The following ERC2 variants were observed in gnomAD, a reference collection of about 807,000 sequenced individuals.
The protein encoded by ERC2 is ERC protein 2.
Under a neutral mutation model 114.8 loss-of-function variants are expected in ERC2, and 42 were observed. That is an observed-to-expected ratio of 0.37 (90% CI 0.29 to 0.47). ERC2 has a LOEUF of 0.47. Ranked by LOEUF, ERC2 falls within the 20% of genes least tolerant of loss-of-function variation. The probability of loss-of-function intolerance (pLI) is 0.99; values close to 1 mark genes in which losing one functional copy is unlikely to be tolerated. For missense variants in ERC2, 939 were observed against 1,150.7 expected (o/e 0.82, Z 2.66); for synonymous variants, 454 against 425.5 (o/e 1.07, Z -0.82).
intron 3 of ERC2, among the ~76,000 whole-genome samples, chr3:56,232,900 G>A (rs558181728): frequency 3.9e-5 from 6 of 152,070 alleles, no homozygotes; most frequent in East Asian, 1.9e-4. Flanking sequence ...ATTATCTCCC[G>A]TTTCCGAATA....
chr3:56,341,924 A>G (rs1311962856), intron 2 of ERC2, among the ~76,000 whole-genome samples: 1 of 152,198 alleles, frequency 6.6e-6, no homozygotes, highest in African/African-American at 2.4e-5. Context: ...TATTTTCTGT[A>G]GCCCATGCTG....
At chr3:56,008,757 C>T (rs550734535) in intron 9 of ERC2, among the ~76,000 whole-genome samples, 7 of 152,116 alleles carry the variant, frequency 4.6e-5, no homozygotes, top group Non-Finnish European at 1.0e-4. Context: ...TCTGCATGGG[C>T]CTGATCCCAT....
At chr3:56,169,783 C>A (rs2082534352) in intron 4 of ERC2, among the ~76,000 whole-genome samples, 1 of 148,734 alleles carries the variant, frequency 6.7e-6, no homozygotes. Flanking sequence ...TTGACAAGAA[C>A]TACCATTACT....
At chr3:55,826,728 C>T (rs2060341067) in intron 14 of ERC2, among the ~76,000 whole-genome samples, 1 of 152,176 alleles carries the variant, frequency 6.6e-6, no homozygotes, top group Non-Finnish European at 1.5e-5. Flanking sequence ...TTTTCTCCTC[C>T]ATATTCATTC....
chr3:56,311,231 T>TTCTCTC (rs370683995), intron 2 of ERC2, among the ~76,000 whole-genome samples: 312 of 96,182 alleles, frequency 3.2e-3, no homozygotes, highest in African/African-American at 7.3e-3. Context: ...ATCCATCATC[T>TTCTCTC]TCTCTCTCTC....
At chr3:55,512,889 AAAC>A (rs754593874) in intron 17 of ERC2, among the ~76,000 whole-genome samples, 19 of 152,262 alleles carry the variant, frequency 1.2e-4, no homozygotes, top group Non-Finnish European at 2.4e-4. Flanking sequence ...AAAAAAAGAA[AAAC>A]AACAAGGAAA....
intron 14 of ERC2, among the ~76,000 whole-genome samples, chr3:55,746,147 T>C (rs1284033205): frequency 1.3e-5 from 2 of 152,178 alleles, no homozygotes; most frequent in African/African-American, 2.4e-5. Flanking sequence ...CGTCATGCCA[T>C]TGCTGTGAGA....
chr3:55,996,418 T>C (rs1156582431), intron 10 of ERC2, among the ~76,000 whole-genome samples: 2 of 152,158 alleles, frequency 1.3e-5, no homozygotes, highest in Non-Finnish European at 2.9e-5. Context: ...TTCATTAATA[T>C]AGAGATTTAA....
chr3:56,078,340 TG>T (rs1217694199), intron 7 of ERC2, among the ~76,000 whole-genome samples: 1 of 152,224 alleles, frequency 6.6e-6, no homozygotes, highest in Non-Finnish European at 1.5e-5. Flanking sequence ...CTCTATAATT[TG>T]GTTTGAATCT....
At position 55,804,849 on chromosome 3, in the gene ERC2, G is replaced by A. The variant is rs549927952; in HGVS notation, c.2565-69931C>T. Among the ~76,000 whole-genome samples, 4 of 152,120 alleles carry A rather than the reference G, an allele frequency of 2.6e-5. No individual in the cohort carries two copies. In the East Asian group the frequency reaches 5.9e-4, roughly 22 times the overall value. ...GGGAATCCACTTCCTGCTTGGACCA[G>A]GTACCTGAAAGCAACTGTTCTTCTG... On this transcript the variant is annotated intron_variant, in intron 14 of 17. Transcript: ENST00000288221.
At chr3:55,912,269 A>C (rs6794124) in intron 13 of ERC2, among the ~76,000 whole-genome samples, 93,120 of 152,024 alleles carry the variant, frequency 0.61, 29,437 homozygotes, top group Non-Finnish European at 0.66. Context: ...CCCTACAATG[A>C]TACTTGATGG....
intron 14 of ERC2, among the ~76,000 whole-genome samples, chr3:55,853,865 G>A (rs531301182): frequency 6.6e-6 from 1 of 152,268 alleles, no homozygotes; most frequent in Non-Finnish European, 1.5e-5. Flanking sequence ...CAATGTGAAT[G>A]TACTTAACAC....
rs535638255 is a variant in ERC2, at chr3:56,328,821, C to G, written c.658-32386G>C. Among the ~76,000 whole-genome samples, 4 of 152,270 alleles carry G rather than the reference C, an allele frequency of 2.6e-5. No homozygotes were observed. In the South Asian group the frequency reaches 8.3e-4, roughly 32 times the overall value. ...CAATCTCAGAAGCTGCACACTTCAT[C>G]AACACCTGACATTGAATTGAAAAAC... is the stretch of plus-strand genomic sequence containing the variant. On this transcript the variant is annotated intron_variant, in intron 2 of 17. Transcript: ENST00000288221.
intron 14 of ERC2, among the ~76,000 whole-genome samples, chr3:55,749,015 AG>A (rs2066489730): frequency 1.3e-5 from 2 of 152,328 alleles, no homozygotes; most frequent in South Asian, 2.1e-4. Context: ...GAGATGTAAA[AG>A]GTTGAGGTAA....
At chr3:56,160,900 A>G (rs1181215978) in intron 4 of ERC2, among the ~76,000 whole-genome samples, 2 of 152,154 alleles carry the variant, frequency 1.3e-5, no homozygotes, top group African/African-American at 4.8e-5. Context: ...ATAGTTTGAC[A>G]TCGGGTAATA....
At chr3:56,387,240 A>G (rs1456351812) in intron 2 of ERC2, among the ~76,000 whole-genome samples, 1 of 152,214 alleles carries the variant, frequency 6.6e-6, no homozygotes, top group African/African-American at 2.4e-5. Flanking sequence ...ATTTATAATT[A>G]CTATGAAAGT....
chr3:56,212,240 A>G (rs760236230), intron 3 of ERC2, among the ~76,000 whole-genome samples: 11 of 152,164 alleles, frequency 7.2e-5, no homozygotes, highest in Non-Finnish European at 1.5e-4. Context: ...ATCTACAAGG[A>G]ACTCATACAA....
At chr3:55,685,808 C>A (rs181516175) in intron 16 of ERC2, among the ~76,000 whole-genome samples, 1 of 152,166 alleles carries the variant, frequency 6.6e-6, no homozygotes, top group Non-Finnish European at 1.5e-5. Context: ...ACACAGCCTA[C>A]GGCCACTGCC....
At chr3:56,347,657 C>T (rs550160720) in intron 2 of ERC2, among the ~76,000 whole-genome samples, 295 of 152,264 alleles carry the variant, frequency 1.9e-3, no homozygotes, top group African/African-American at 6.6e-3. Context: ...ACAGTACCAA[C>T]TCTCAGAGGT....
Sources: allele counts gnomAD v4.1 joint callset (sites outside exome capture counted in the v4.1 genomes callset), GRCh38; gene constraint gnomAD v4.1.1; transcripts MANE v1.5; gene names NCBI Gene and HGNC (gene_info 2026-07-23, HGNC 2026-07-21).